Variants in NDUFAF2 observed in about 807,000 individuals in gnomAD.
The protein encoded by NDUFAF2 is NADH dehydrogenase [ubiquinone] 1 alpha subcomplex assembly factor 2.
Under a neutral mutation model 22.8 loss-of-function variants are expected in NDUFAF2, and 13 were observed. The ratio of observed to expected loss-of-function variants is 0.57; its 90% CI spans 0.37 to 0.91. The LOEUF (loss-of-function observed/expected upper bound fraction) is 0.91, where lower values mean the gene tolerates loss of function less well. NDUFAF2 is among the 40% of genes least tolerant of loss of function. The pLI, the probability that NDUFAF2 is intolerant of heterozygous loss-of-function variation, is 0.01. For synonymous variants in NDUFAF2, 53 were observed against 64.2 expected (o/e 0.83, Z 0.84); for missense variants, 162 against 195.2 (o/e 0.83, Z 1.01).
intron 1 of NDUFAF2, among the ~76,000 whole-genome samples, chr5:61,003,646 T>C (rs1383426824): frequency 1.6e-5 from 1 of 63,452 alleles, no homozygotes; most frequent in African/African-American, 6.3e-5. Flanking sequence ...AAATCTATAC[T>C]TTTTTTTTTT....
At chr5:61,074,125 T>C (rs1752336018) in intron 2 of NDUFAF2, among the ~76,000 whole-genome samples, 1 of 152,204 alleles carries the variant, frequency 6.6e-6, no homozygotes, top group Non-Finnish European at 1.5e-5. Flanking sequence ...TGGCACATTG[T>C]AAGGCACCTA....
chr5:60,955,243 A>G (rs971350010), intron 1 of NDUFAF2, among the ~76,000 whole-genome samples: 6 of 152,184 alleles, frequency 3.9e-5, no homozygotes, highest in Non-Finnish European at 8.8e-5. Flanking sequence ...TGATTTTTAT[A>G]TACAGTGTGA....
chr5:61,152,523 CATT>C (rs1286106197), intron 3 of NDUFAF2, among the ~76,000 whole-genome samples, 178 bp from the exon 4 acceptor site: 4 of 152,076 alleles, frequency 2.6e-5, no homozygotes, highest in South Asian at 2.1e-4. Context: ...GTTTATGTAA[CATT>C]AGTATGTAAT....
intron 1 of NDUFAF2, among the ~76,000 whole-genome samples, chr5:60,965,563 G>C (rs1750748661): frequency 6.6e-6 from 1 of 151,896 alleles, no homozygotes; most frequent in East Asian, 1.9e-4. Flanking sequence ...TCTACCCTTT[G>C]TTTCTATGAG....
intron 2 of NDUFAF2, among the ~76,000 whole-genome samples, chr5:61,091,620 T>A (rs189617271): frequency 6.6e-6 from 1 of 152,350 alleles, no homozygotes; most frequent in Non-Finnish European, 1.5e-5. Context: ...AGTCTGTAGG[T>A]TGTCTGTTGA....
At chr5:61,084,336 T>G (rs1402209403) in intron 2 of NDUFAF2, among the ~76,000 whole-genome samples, 1 of 151,376 alleles carries the variant, frequency 6.6e-6, no homozygotes. Context: ...AAAATTTCCA[T>G]TTTAGCCATT....
intron 1 of NDUFAF2, among the ~76,000 whole-genome samples, chr5:60,978,995 G>A (rs371159157): frequency 2.4e-4 from 37 of 152,284 alleles, no homozygotes; most frequent in African/African-American, 8.7e-4. Context: ...TAGAGGACCA[G>A]GCAGAGTTCT....
chr5:61,037,735 G>A (rs1183305459), intron 1 of NDUFAF2, among the ~76,000 whole-genome samples: 1 of 151,994 alleles, frequency 6.6e-6, no homozygotes, highest in Non-Finnish European at 1.5e-5. Context: ...AAAATCATAT[G>A]AAACTTCAGT....
intron 1 of NDUFAF2, among the ~76,000 whole-genome samples, chr5:61,066,722 T>C (rs563655632): frequency 1.4e-4 from 21 of 152,154 alleles, no homozygotes; most frequent in Admixed American, 2.6e-4. Context: ...AAATTACTTA[T>C]AATACCAAAT....
At chr5:61,055,179 T>A (rs1752072719) in intron 1 of NDUFAF2, among the ~76,000 whole-genome samples, 2 of 152,230 alleles carry the variant, frequency 1.3e-5, no homozygotes, top group Non-Finnish European at 2.9e-5. Flanking sequence ...CTTTATACTT[T>A]TATATGTTTT....
chr5:61,125,237 A>G (rs537718844), intron 3 of NDUFAF2, among the ~76,000 whole-genome samples: 41 of 152,106 alleles, frequency 2.7e-4, no homozygotes, highest in Non-Finnish European at 4.6e-4. Context: ...GTTAATTTCT[A>G]CTCAAATAAT....
rs866271344 is a variant in NDUFAF2, at chr5:60,986,782, A to G, written c.127+41400A>G. ...CATCTGTACTAAAAAAATACAAAAAATAAGCCAGGCGTGGTGGCGGGTGCC... is the reference window on the plus strand; with the variant it reads ...CATCTGTACTAAAAAAATACAAAAAGTAAGCCAGGCGTGGTGGCGGGTGCC... On this transcript the variant is annotated intron_variant, in intron 1 of 3. Coordinates refer to ENST00000296597, the MANE Select transcript of NDUFAF2 (RefSeq NM_174889.5). 7.9e-5 allele frequency among the ~76,000 whole-genome samples: 12 copies of G among 152,070 alleles called. 1 individual carries two copies. The highest frequency in any genetic ancestry group is 6.8e-3 in the Middle Eastern group (2 of 294).
At chr5:61,005,546 T>C (rs1751355237) in intron 1 of NDUFAF2, among the ~76,000 whole-genome samples, 1 of 152,208 alleles carries the variant, frequency 6.6e-6, no homozygotes, top group South Asian at 2.1e-4. Context: ...TAGTTCACAG[T>C]CCCACCAACA....
At chr5:61,017,468 TTTATGTGAAATTTCA>T (rs1295894109) in intron 1 of NDUFAF2, among the ~76,000 whole-genome samples, 6 of 152,160 alleles carry the variant, frequency 3.9e-5, no homozygotes, top group African/African-American at 7.2e-5. Context: ...AATGTATGAT[TTTATGTGAAATTTCA>T]TTATGTAAAA....
At chr5:60,952,812 T>G (rs571884609) in intron 1 of NDUFAF2, among the ~76,000 whole-genome samples, 1 of 152,268 alleles carries the variant, frequency 6.6e-6, no homozygotes, top group Admixed American at 6.5e-5. Context: ...CAAGTTTACA[T>G]TTGTCTTTTA....
chr5:61,019,568 TAGAA>T (rs532988777), intron 1 of NDUFAF2, among the ~76,000 whole-genome samples: 2 of 152,208 alleles, frequency 1.3e-5, no homozygotes, highest in Admixed American at 6.5e-5. Context: ...TAAAGTTTCT[TAGAA>T]AGACTATTTT....
chr5:61,129,960 T>G (rs755503187), intron 3 of NDUFAF2, among the ~76,000 whole-genome samples: 42 of 152,190 alleles, frequency 2.8e-4, no homozygotes, highest in Non-Finnish European at 5.9e-5. Context: ...TAAGAGCTGT[T>G]CTAATTCCTG....
chr5:61,032,546 A>G, intron 1 of NDUFAF2, among the ~76,000 whole-genome samples: 1 of 151,898 alleles, frequency 6.6e-6, no homozygotes, highest in Admixed American at 6.6e-5. Flanking sequence ...GATGTGTGGT[A>G]TTATTTCTGA....
intron 1 of NDUFAF2, among the ~76,000 whole-genome samples, chr5:61,034,592 G>A (rs1421053416): frequency 6.6e-6 from 1 of 152,098 alleles, no homozygotes; most frequent in Non-Finnish European, 1.5e-5. Context: ...TGTAACCATA[G>A]CCATAAAGAA....
Sources: gnomAD v4.1 joint callset for allele counts (sites outside exome capture counted in the v4.1 genomes callset) on GRCh38, gnomAD v4.1.1 for gene constraint, MANE v1.5 for transcripts, NCBI Gene and HGNC (gene_info 2026-07-23, HGNC 2026-07-21) for gene names.